The following FAM13C variants were observed in gnomAD, a reference collection of about 807,000 sequenced individuals.
The protein encoded by FAM13C is family with sequence similarity 13 member C.
A neutral mutation model predicts 73.2 loss-of-function variants in FAM13C; 37 were observed. The ratio of observed to expected loss-of-function variants is 0.51; its 90% CI spans 0.39 to 0.67. The LOEUF (loss-of-function observed/expected upper bound fraction) is 0.67, where lower values mean the gene tolerates loss of function less well. Ranked by LOEUF, FAM13C falls within the 30% of genes least tolerant of loss-of-function variation. The pLI is 0.00. For missense variants in FAM13C, 589 were observed against 715.6 expected, an observed-to-expected ratio of 0.82 and a Z score of 2.02; for synonymous variants, 246 against 260.9, an observed-to-expected ratio of 0.94 and a Z score of 0.55.
chr10:59,306,175 G>T (rs55775126), intron 4 of FAM13C, among the ~76,000 whole-genome samples: 7 of 152,150 alleles, frequency 4.6e-5, no homozygotes, highest in Non-Finnish European at 1.0e-4. Flanking sequence ...GTTGATGAGT[G>T]ACAGCAGATG....
At chr10:59,335,516 C>T (rs1852604381) in intron 3 of FAM13C, among the ~76,000 whole-genome samples, 1 of 152,152 alleles carries the variant, frequency 6.6e-6, no homozygotes, top group South Asian at 2.1e-4. Flanking sequence ...GCTACCCCAC[C>T]CCCTACCAGC....
rs1168381469 is a variant in FAM13C, at chr10:59,329,340, TG to T, written c.325-5235del. ...TTTTTTTTCTTTTTTTCTTTCTTTC[TG>T]GTTTTTTTTTTTTTTTTTTTTTTTT... On this transcript the variant is annotated intron_variant, in intron 3 of 13. Transcript: ENST00000618804. 2.2e-3 allele frequency among the ~76,000 whole-genome samples: 276 copies of T among 122,978 alleles called. 2 individuals carry two copies. Among genetic ancestry groups the T allele is most frequent in the East Asian group, 0.012 (49 of 4,010 alleles). 80.7% of individuals were successfully genotyped at this position (122,978 alleles called of 152,430 possible). A position where few individuals can be genotyped will look rare whatever the true frequency, so the allele number is the denominator to read the frequency against.
In FAM13C at chr10:59,362,476, G is replaced by T; in HGVS notation, c.-16C>A. On this transcript the variant is annotated 5_prime_UTR_variant, in exon 1 of 14. Coordinates refer to ENST00000618804, the MANE Select transcript of FAM13C (RefSeq NM_198215.4). ...AAGAAAACATCAGCCAAGTCTGGCCGGGGAGCCGTCTCCCTGATTGCTCTC... is the reference window on the plus strand; with the variant it reads ...AAGAAAACATCAGCCAAGTCTGGCCTGGGAGCCGTCTCCCTGATTGCTCTC... 3 of 1,611,516 alleles carry T rather than the reference G, an allele frequency of 1.9e-6. No individual in the cohort carries two copies. The highest frequency in any genetic ancestry group is 2.5e-6 in the Non-Finnish European group (3 of 1,178,770).
chr10:59,337,679 T>A (rs1257979268), intron 3 of FAM13C, among the ~76,000 whole-genome samples: 2 of 77,628 alleles, frequency 2.6e-5, no homozygotes, highest in African/African-American at 5.7e-5. Flanking sequence ...TTTTTTTTTT[T>A]TTTTTTTTTT....
rs557430234 is a variant in FAM13C at position 59,341,590 on chromosome 10, G to C, written c.324+10680C>G. Reference sequence around the variant, plus strand: ...TGTAATCCCAGCTACTCAGGAGGCTGAGGCAGGAGAATCGCTTGAACCCGG... The same window carrying C: ...TGTAATCCCAGCTACTCAGGAGGCTCAGGCAGGAGAATCGCTTGAACCCGG... On this transcript the variant is annotated intron_variant, in intron 3 of 13. Coordinates refer to ENST00000618804, the MANE Select transcript of FAM13C (RefSeq NM_198215.4). Among the ~76,000 whole-genome samples, 20 of 152,302 alleles carry C rather than the reference G, an allele frequency of 1.3e-4. No homozygotes were observed. The South Asian group carries it at 4.2e-3, about 32-fold the overall frequency.
intron 4 of FAM13C, among the ~76,000 whole-genome samples, chr10:59,304,504 C>T (rs1343861488): frequency 2.6e-5 from 4 of 151,846 alleles, no homozygotes; most frequent in Non-Finnish European, 4.4e-5. Context: ...AAACCAAATA[C>T]CGCATATTTT....
chr10:59,303,745 T>C (rs1244344480), intron 4 of FAM13C, among the ~76,000 whole-genome samples: 1 of 152,184 alleles, frequency 6.6e-6, no homozygotes, highest in African/African-American at 2.4e-5. Context: ...AAGTGAGCTC[T>C]TACTCAGAAA....
intron 3 of FAM13C, among the ~76,000 whole-genome samples, chr10:59,344,044 C>G: frequency 7.0e-6 from 1 of 142,810 alleles, no homozygotes; most frequent in Non-Finnish European, 1.5e-5. Context: ...TCACTGCAAG[C>G]TCTGCCTCCC....
chr10:59,336,983 C>T (rs1852804208), intron 3 of FAM13C, among the ~76,000 whole-genome samples: 1 of 152,182 alleles, frequency 6.6e-6, no homozygotes, highest in Middle Eastern at 3.2e-3. Context: ...TCACTCATGT[C>T]TTCACTCACA....
At chr10:59,338,158 C>A (rs1284526602) in intron 3 of FAM13C, among the ~76,000 whole-genome samples, 2 of 152,056 alleles carry the variant, frequency 1.3e-5, no homozygotes, top group African/African-American at 2.4e-5. Flanking sequence ...GTCATATTAT[C>A]CCTCATTTTT....
chr10:59,341,159 G>A (rs980280498), intron 3 of FAM13C, among the ~76,000 whole-genome samples: 3 of 151,980 alleles, frequency 2.0e-5, no homozygotes, highest in Admixed American at 6.5e-5. Context: ...CACTCTAAAC[G>A]CCAATTGCTA....
intron 4 of FAM13C, among the ~76,000 whole-genome samples, chr10:59,306,682 C>T (rs1848299276): frequency 6.6e-6 from 1 of 152,154 alleles, no homozygotes; most frequent in Non-Finnish European, 1.5e-5. Flanking sequence ...TCGAGACCAG[C>T]CTGGGCAACA....
chr10:59,319,272 T>A (rs561746437), intron 4 of FAM13C, among the ~76,000 whole-genome samples: 2 of 152,324 alleles, frequency 1.3e-5, no homozygotes, highest in South Asian at 4.1e-4. Flanking sequence ...AAGGCCATTA[T>A]CCTTGCTAAG....
At chr10:59,273,899 G>A (rs1844008200) in intron 6 of FAM13C, among the ~76,000 whole-genome samples, 1 of 152,190 alleles carries the variant, frequency 6.6e-6, no homozygotes, top group South Asian at 2.1e-4. Flanking sequence ...TGAATTTAAA[G>A]CTATTCCAAA....
chr10:59,307,423 C>T (rs536777106), intron 4 of FAM13C, among the ~76,000 whole-genome samples: 1 of 152,300 alleles, frequency 6.6e-6, no homozygotes, highest in East Asian at 1.9e-4. Flanking sequence ...CCAGCCCTTA[C>T]TACCCCAGAG....
chr10:59,257,931 A>G (rs1036234704), intron 10 of FAM13C, among the ~76,000 whole-genome samples: 4 of 152,316 alleles, frequency 2.6e-5, no homozygotes, highest in East Asian at 3.9e-4. Flanking sequence ...ATTACATTTT[A>G]TAAGTAAATG....
chr10:59,323,648 T>C (rs1461484633), intron 4 of FAM13C, among the ~76,000 whole-genome samples: 1 of 152,148 alleles, frequency 6.6e-6, no homozygotes, highest in Non-Finnish European at 1.5e-5. Flanking sequence ...CACAAATTTA[T>C]CACTATCACA....
At chr10:59,261,403 A>G (rs1842490964) in intron 10 of FAM13C, among the ~76,000 whole-genome samples, 1 of 152,190 alleles carries the variant, frequency 6.6e-6, no homozygotes, top group African/African-American at 2.4e-5. Context: ...GATTTGGAAT[A>G]TGTTGTCACT....
intron 9 of FAM13C, 52 bp from the exon 10 acceptor site, chr10:59,262,697 A>G: frequency 1.4e-6 from 2 of 1,460,588 alleles, no homozygotes; most frequent in Admixed American, 1.8e-5. Context: ...ACTAGTTCTA[A>G]GAATGGAGAG....
Sources: allele counts gnomAD v4.1 joint callset (sites outside exome capture counted in the v4.1 genomes callset), GRCh38; gene constraint gnomAD v4.1.1; transcripts MANE v1.5; gene names NCBI Gene and HGNC (gene_info 2026-07-23, HGNC 2026-07-21).